The following PRKN variants were observed in gnomAD, a reference collection of about 807,000 sequenced individuals.
PRKN encodes E3 ubiquitin-protein ligase parkin.
Under a neutral mutation model 59.5 loss-of-function variants are expected in PRKN, and 56 were observed. The observed-to-expected ratio is 0.94, with a 90% confidence interval of 0.76 to 1.18. PRKN has a LOEUF of 1.18. Ranked by LOEUF, PRKN falls within the 50% of genes most tolerant of loss-of-function variation. The pLI, the probability that PRKN is intolerant of heterozygous loss-of-function variation, is 0.00. For synonymous variants in PRKN, 250 were observed against 222.1 expected (o/e 1.13, Z -1.12); for missense variants, 657 against 596.4 (o/e 1.10, Z -1.06).
At chr6:161,712,695 A>T (rs1786799144) in intron 7 of PRKN, among the ~76,000 whole-genome samples, 1 of 152,094 alleles carries the variant, frequency 6.6e-6, no homozygotes, top group Non-Finnish European at 1.5e-5. Flanking sequence ...ACTTGATAGG[A>T]CTCAAATATC....
chr6:162,185,381 T>C (rs1017849595), intron 4 of PRKN, among the ~76,000 whole-genome samples: 7 of 152,118 alleles, frequency 4.6e-5, no homozygotes, highest in Non-Finnish European at 1.0e-4. Context: ...ATCATAGGTT[T>C]CCAAATAAAG....
Position 161,483,372 on chromosome 6 carries a change from C to T in PRKN, c.1083+65482G>A, listed in dbSNP as rs1050001126. 6.6e-6 allele frequency among the ~76,000 whole-genome samples: 1 copy of T among 152,098 alleles called. No homozygotes were observed. The highest frequency in any genetic ancestry group is 1.5e-5 in the Non-Finnish European group (1 of 68,004). On this transcript the variant is annotated intron_variant, in intron 9 of 11. Coordinates refer to ENST00000366898, the MANE Select transcript of PRKN (RefSeq NM_004562.3). This position sits in a 1 kb window ranked among gnomAD's most constrained non-coding sequence, Gnocchi z 5.0. The stretch of plus-strand genomic sequence containing the variant: ...TCCATGTCGGCTTCCCCCTGAAAAT[C>T]CATGATAAAGATTGAGCGTGGTTGA...
At chr6:161,408,482 C>CTT (rs11313718) in intron 9 of PRKN, among the ~76,000 whole-genome samples, 53 of 133,078 alleles carry the variant, frequency 4.0e-4, no homozygotes, top group Admixed American at 1.1e-3. Flanking sequence ...CTAGGTTTTC[C>CTT]TTTTTTTTTT....
intron 9 of PRKN, among the ~76,000 whole-genome samples, chr6:161,435,044 C>T (rs1048695092): frequency 6.6e-6 from 1 of 152,108 alleles, no homozygotes; most frequent in Non-Finnish European, 1.5e-5. Context: ...AGAAATGTAA[C>T]CTTTGGCCAA....
intron 1 of PRKN, among the ~76,000 whole-genome samples, chr6:162,678,918 G>A (rs1160101551): frequency 1.3e-5 from 2 of 151,844 alleles, no homozygotes; most frequent in Admixed American, 6.6e-5. Flanking sequence ...GGGATTAGAG[G>A]TGCCCAGCAC....
At chr6:162,436,514 G>A (rs1220475695) in intron 2 of PRKN, among the ~76,000 whole-genome samples, 1 of 151,748 alleles carries the variant, frequency 6.6e-6, no homozygotes, top group Non-Finnish European at 1.5e-5. Context: ...GTTTCACCAT[G>A]TTGGTCAAGC....
At chr6:162,693,859 T>C (rs531225130) in intron 1 of PRKN, among the ~76,000 whole-genome samples, 1 of 152,322 alleles carries the variant, frequency 6.6e-6, no homozygotes, top group South Asian at 2.1e-4. Flanking sequence ...ATATTTAACA[T>C]GATACACATA....
At chr6:161,880,700 A>G (rs753881033) in intron 6 of PRKN, among the ~76,000 whole-genome samples, 17 of 152,160 alleles carry the variant, frequency 1.1e-4, no homozygotes, top group Admixed American at 2.0e-4. Flanking sequence ...CCTCAAGCCC[A>G]GTGCATCATG....
At chr6:162,649,580 G>A (rs1388004960) in intron 1 of PRKN, among the ~76,000 whole-genome samples, 3 of 151,896 alleles carry the variant, frequency 2.0e-5, no homozygotes, top group African/African-American at 7.3e-5. Context: ...GAGAGATTTG[G>A]GTTCCAATTC....
intron 2 of PRKN, among the ~76,000 whole-genome samples, chr6:162,305,424 G>T (rs892660662): frequency 6.6e-6 from 1 of 151,500 alleles, no homozygotes; most frequent in Non-Finnish European, 1.5e-5. Context: ...TTTTAAAGTT[G>T]TGAGTATGTT....
chr6:161,940,320 G>C (rs1779514680), intron 6 of PRKN, among the ~76,000 whole-genome samples: 1 of 152,082 alleles, frequency 6.6e-6, no homozygotes, highest in African/African-American at 2.4e-5. Flanking sequence ...AAAAAAGAAA[G>C]TGTGTCTTTG....
chr6:162,525,790 G>T (rs530801575), intron 1 of PRKN, among the ~76,000 whole-genome samples: 2 of 152,308 alleles, frequency 1.3e-5, no homozygotes, highest in Admixed American at 6.5e-5. Context: ...AAATGAATGA[G>T]ATGTCATCGG....
At chr6:161,798,710 G>T (rs1025524366) in intron 6 of PRKN, among the ~76,000 whole-genome samples, 2 of 152,178 alleles carry the variant, frequency 1.3e-5, no homozygotes, top group African/African-American at 4.8e-5. Context: ...GATCAGAAAA[G>T]ATGTTTTGGT....
chr6:161,685,406 C>T (rs1034783467), intron 7 of PRKN, among the ~76,000 whole-genome samples: 2 of 152,130 alleles, frequency 1.3e-5, no homozygotes, highest in African/African-American at 4.8e-5. Context: ...TATTTTCAAC[C>T]CCAGCTTGAA....
chr6:162,338,990 G>A (rs1405343926), intron 2 of PRKN, among the ~76,000 whole-genome samples: 4 of 149,336 alleles, frequency 2.7e-5, no homozygotes, highest in African/African-American at 9.9e-5. Context: ...CACCCTGTCT[G>A]AGAAGTGAGG....
At position 162,579,222 on chromosome 6, in the gene PRKN, T is replaced by C. The variant is rs898880054; in HGVS notation, c.8-135749A>G. On this transcript the variant is annotated intron_variant, in intron 1 of 11. Coordinates refer to ENST00000366898, the MANE Select transcript of PRKN (RefSeq NM_004562.3). Reference sequence around the variant, plus strand: ...TATCTGTCACTTAGTTTCAAGAATATGACATTAAACATGCTGATTCCTCTA... The same window carrying C: ...TATCTGTCACTTAGTTTCAAGAATACGACATTAAACATGCTGATTCCTCTA... 2.6e-5 allele frequency among the ~76,000 whole-genome samples: 4 copies of C among 152,198 alleles called. No individual in the cohort carries two copies. In the East Asian group the frequency reaches 7.7e-4, roughly 29 times the overall value.
chr6:161,825,485 T>C (rs904786260), intron 6 of PRKN, among the ~76,000 whole-genome samples: 1 of 152,184 alleles, frequency 6.6e-6, no homozygotes, highest in Non-Finnish European at 1.5e-5. Context: ...GGGCTGCTCA[T>C]GGCCATGTCC....
intron 1 of PRKN, among the ~76,000 whole-genome samples, chr6:162,461,525 A>AAAG (rs1562782361): frequency 6.8e-6 from 1 of 147,510 alleles, no homozygotes; most frequent in Non-Finnish European, 1.5e-5. Flanking sequence ...AAAAAAAAAA[A>AAAG]AAAGAAAGAA....
rs147444979 is a variant in PRKN at position 162,525,713 on chromosome 6, G to C, written c.8-82240C>G. ...TTTTTAGGATCCAGTATAGTGTCTG[G>C]CATGTAGTAATGCTTAAAAAAATCT... On this transcript the variant is annotated intron_variant, in intron 1 of 11. Transcript: ENST00000366898. 6.0e-3 allele frequency among the ~76,000 whole-genome samples: 910 copies of C among 152,130 alleles called. 10 individuals are homozygous for C. The highest frequency in any genetic ancestry group is 0.021 in the African/African-American group (864 of 41,506).
Sources: allele counts gnomAD v4.1 joint callset (sites outside exome capture counted in the v4.1 genomes callset), GRCh38; gene constraint gnomAD v4.1.1; non-coding constraint Gnocchi (gnomAD v3.1); transcripts MANE v1.5; gene names NCBI Gene and HGNC (gene_info 2026-07-23, HGNC 2026-07-21).